PRDM16: variants seen among roughly 807,000 people sequenced by gnomAD.
The protein encoded by PRDM16 is histone-lysine N-methyltransferase PRDM16.
PRDM16 carries 23 observed loss-of-function variants against 110.6 expected under a neutral mutation model. The observed-to-expected ratio is 0.21, with a 90% confidence interval of 0.15 to 0.29. The LOEUF is 0.29. Among genes scored for constraint, PRDM16 ranks in the 10% least tolerant of loss-of-function variants. The pLI is 1.00. For missense variants in PRDM16, 1,615 were observed against 1,794.3 expected (o/e 0.90, Z 1.81); for synonymous variants, 799 against 781.8 (o/e 1.02, Z -0.37).
chr1:3,363,454 C>T (rs1004372087), intron 3 of PRDM16, among the ~76,000 whole-genome samples: 6 of 152,134 alleles, frequency 3.9e-5, no homozygotes, highest in Admixed American at 2.0e-4. Flanking sequence ...CGAGGGATCC[C>T]GGTGAGCACG....
intron 1 of PRDM16, among the ~76,000 whole-genome samples, chr1:3,153,123 G>A (rs1434256650): frequency 6.6e-6 from 1 of 152,344 alleles, no homozygotes; most frequent in Admixed American, 6.5e-5. Context: ...GGGAACAGGG[G>A]TTGCCCCCAC....
At chr1:3,410,068 GTA>G (rs1367510192) in intron 8 of PRDM16, among the ~76,000 whole-genome samples, 2 of 142,112 alleles carry the variant, frequency 1.4e-5, no homozygotes, top group Non-Finnish European at 3.0e-5. Flanking sequence ...GTGTGGTTGT[GTA>G]TGTGCATGTG....
At chr1:3,392,202 G>A (rs888155650) in intron 4 of PRDM16, among the ~76,000 whole-genome samples, 2 of 152,240 alleles carry the variant, frequency 1.3e-5, no homozygotes, top group Non-Finnish European at 2.9e-5. Context: ...TCCACTGGCT[G>A]CTTTCACGTG....
intron 14 of PRDM16, 126 bp from the exon 15 acceptor site, chr1:3,430,746 C>A: frequency 8.4e-7 from 1 of 1,195,204 alleles, no homozygotes; most frequent in Non-Finnish European, 1.2e-6. Context: ...CGGGAGCTCC[C>A]TCAGGAAGGG....
At chr1:3,352,363 T>G (rs1185006188) in intron 3 of PRDM16, among the ~76,000 whole-genome samples, 3 of 152,108 alleles carry the variant, frequency 2.0e-5, no homozygotes, top group Non-Finnish European at 4.4e-5. Flanking sequence ...AGCTTTTAAT[T>G]GTTTTTCTCC....
At chr1:3,280,948 A>G (rs1014050426) in intron 3 of PRDM16, among the ~76,000 whole-genome samples, 2 of 152,170 alleles carry the variant, frequency 1.3e-5, no homozygotes, top group Admixed American at 6.5e-5. Context: ...TTTTCTCCCC[A>G]GTTCTGAATC....
intron 2 of PRDM16, among the ~76,000 whole-genome samples, chr1:3,215,692 C>T (rs1237575764): frequency 2.6e-5 from 4 of 152,220 alleles, no homozygotes; most frequent in Admixed American, 1.3e-4. Context: ...TCCCACTGGG[C>T]GTGGAGGGAC....
intron 3 of PRDM16, among the ~76,000 whole-genome samples, chr1:3,327,903 C>T (rs1373680557): frequency 6.6e-6 from 1 of 152,252 alleles, no homozygotes; most frequent in Non-Finnish European, 1.5e-5. Flanking sequence ...TGGGGTTCAG[C>T]GGCCCAGAGT....
intron 8 of PRDM16, among the ~76,000 whole-genome samples, chr1:3,408,654 G>C (rs564586028): frequency 8.0e-5 from 12 of 150,888 alleles, no homozygotes; most frequent in Non-Finnish European, 1.8e-4. Flanking sequence ...GCCTGTGTTG[G>C]CATGTGTGAG....
At chr1:3,392,450 C>T (rs1266212357) in intron 4 of PRDM16, among the ~76,000 whole-genome samples, 1 of 152,208 alleles carries the variant, frequency 6.6e-6, no homozygotes, top group African/African-American at 2.4e-5. Context: ...GGCCGCTGCT[C>T]AGATTCAACC....
chr1:3,250,699 G>A (rs989460668), intron 3 of PRDM16, among the ~76,000 whole-genome samples: 1 of 152,226 alleles, frequency 6.6e-6, no homozygotes, highest in Non-Finnish European at 1.5e-5. Context: ...GAGGGTGCAG[G>A]GGGCTCAGGG....
At chr1:3,075,900 G>A (rs1240216670) in intron 1 of PRDM16, among the ~76,000 whole-genome samples, 1 of 152,224 alleles carries the variant, frequency 6.6e-6, no homozygotes, top group Non-Finnish European at 1.5e-5. Flanking sequence ...GACCCCAGAG[G>A]CCAGGGCGGC....
At chr1:3,332,581 A>G (rs963271839) in intron 3 of PRDM16, among the ~76,000 whole-genome samples, 58 of 151,926 alleles carry the variant, frequency 3.8e-4, no homozygotes, top group African/African-American at 1.3e-3. Flanking sequence ...CAAAATACAT[A>G]TAAGATAAAT....
chr1:3,264,080 T>C (rs1207607925), intron 3 of PRDM16, among the ~76,000 whole-genome samples: 9 of 152,188 alleles, frequency 5.9e-5, no homozygotes, highest in Non-Finnish European at 1.3e-4. Flanking sequence ...AGGCCAAGGC[T>C]GTGAACAGTC....
rs770148632 is a variant in PRDM16, at chr1:3,402,869, C to T, written c.755C>T (p.Thr252Met). 7 of 1,613,106 alleles carry T rather than the reference C, an allele frequency of 4.3e-6. No homozygotes were observed. Among genetic ancestry groups the T allele is most frequent in the Admixed American group, 1.7e-5 (1 of 60,028 alleles). ...KLDLRRHKKY[T>M]CGSVGAALYE... is the part of the protein sequence containing the mutation. ...GACCTGCGGCGCCATAAGAAGTACACGTGTGGCTCAGTGGGGGCTGCGCTC... is the reference window on the plus strand; with the variant it reads ...GACCTGCGGCGCCATAAGAAGTACATGTGTGGCTCAGTGGGGGCTGCGCTC... The change falls in exon 6 of 17, where the codon ACG (threonine) becomes ATG (methionine). Residue 252 changes from threonine to methionine, a missense_variant. Coordinates refer to ENST00000270722, the MANE Select transcript of PRDM16 (RefSeq NM_022114.4).
At chr1:3,348,063 G>A (rs574814390) in intron 3 of PRDM16, among the ~76,000 whole-genome samples, 14 of 152,272 alleles carry the variant, frequency 9.2e-5, no homozygotes, top group South Asian at 2.1e-4. Flanking sequence ...GCCTCTGGTC[G>A]GAGCACGGGG....
At chr1:3,429,279 G>C (rs921497143) in intron 14 of PRDM16, among the ~76,000 whole-genome samples, 2 of 152,240 alleles carry the variant, frequency 1.3e-5, no homozygotes, top group African/African-American at 2.4e-5. Context: ...TGTCCTCCCT[G>C]TTGGAGCCAA....
chr1:3,337,209 G>A (rs1481491969), intron 3 of PRDM16, among the ~76,000 whole-genome samples: 4 of 152,004 alleles, frequency 2.6e-5, no homozygotes, highest in Non-Finnish European at 4.4e-5. Context: ...GTGAGTCTCT[G>A]TGTGTGAATG....
intron 3 of PRDM16, among the ~76,000 whole-genome samples, chr1:3,360,733 T>C (rs889365129): frequency 6.6e-6 from 1 of 152,154 alleles, no homozygotes; most frequent in Non-Finnish European, 1.5e-5. Flanking sequence ...AGCACGCCCA[T>C]CGGGACAGGA....
Sources: gnomAD v4.1 joint callset for allele counts (sites outside exome capture counted in the v4.1 genomes callset) on GRCh38, gnomAD v4.1.1 for gene constraint, MANE v1.5 for transcripts, NCBI Gene and HGNC (gene_info 2026-07-23, HGNC 2026-07-21) for gene names.